The following TBC1D5 variants were observed in gnomAD, a reference collection of about 807,000 sequenced individuals.
TBC1D5 encodes TBC1 domain family member 5.
In TBC1D5, 75 loss-of-function variants were observed where a neutral mutation model predicts 100.3. The observed-to-expected ratio is 0.75, with a 90% confidence interval of 0.62 to 0.91. The LOEUF (loss-of-function observed/expected upper bound fraction) is 0.91. Among genes scored for constraint, TBC1D5 ranks in the 40% least tolerant of loss-of-function variants. The pLI is 0.00. For missense variants in TBC1D5, 910 were observed against 942.4 expected (o/e 0.97, Z 0.45); for synonymous variants, 323 against 325.6 (o/e 0.99, Z 0.09).
intron 18 of TBC1D5, 72 bp from the exon 20 acceptor site, chr3:17,185,280 G>A (rs2068902691): frequency 7.8e-7 from 1 of 1,286,732 alleles, no homozygotes; most frequent in Non-Finnish European, 1.1e-6. Flanking sequence ...TTTTCTAAAT[G>A]ATCTAGACTA....
intron 15 of TBC1D5, among the ~76,000 whole-genome samples, chr3:17,259,176 C>G (rs139687887): frequency 8.5e-4 from 129 of 152,138 alleles, no homozygotes; most frequent in African/African-American, 2.9e-3. Flanking sequence ...GAAATATTAC[C>G]AGGATAACCA....
At chr3:17,629,635 GAGAA>G (rs2063333634) in intron 1 of TBC1D5, among the ~76,000 whole-genome samples, 1 of 152,172 alleles carries the variant, frequency 6.6e-6, no homozygotes, top group African/African-American at 2.4e-5. Context: ...AAGCTTTAGT[GAGAA>G]AGAAGTAAAA....
chr3:17,327,698 T>A (rs941283316), intron 13 of TBC1D5, among the ~76,000 whole-genome samples: 1 of 152,162 alleles, frequency 6.6e-6, no homozygotes, highest in Non-Finnish European at 1.5e-5. Flanking sequence ...CCTATTTATT[T>A]TTTTCCATGG....
At chr3:17,205,144 A>G (rs1467699906) in intron 18 of TBC1D5, among the ~76,000 whole-genome samples, 1 of 152,248 alleles carries the variant, frequency 6.6e-6, no homozygotes, top group Non-Finnish European at 1.5e-5. Flanking sequence ...AATAAACTAT[A>G]CTAAATGGGA....
At chr3:17,654,804 T>C (rs945710579) in intron 1 of TBC1D5, among the ~76,000 whole-genome samples, 10 of 152,250 alleles carry the variant, frequency 6.6e-5, no homozygotes, top group African/African-American at 2.4e-4. Context: ...CTCTTTTTGG[T>C]TGGTAAGCTA....
intron 17 of TBC1D5, among the ~76,000 whole-genome samples, chr3:17,216,726 G>A (rs1311630098): frequency 6.6e-5 from 10 of 151,890 alleles, no homozygotes; most frequent in African/African-American, 2.4e-5. Flanking sequence ...ACTTTTTCAC[G>A]GTAATAATCT....
intron 16 of TBC1D5, among the ~76,000 whole-genome samples, chr3:17,244,721 T>C (rs181776470): frequency 5.9e-5 from 9 of 152,322 alleles, no homozygotes; most frequent in Middle Eastern, 3.4e-3. Flanking sequence ...TACTCCTAAC[T>C]CTGTCATTAT....
intron 1 of TBC1D5, among the ~76,000 whole-genome samples, chr3:17,630,879 CAAAAAA>C: frequency 7.9e-6 from 1 of 126,856 alleles, no homozygotes; most frequent in Admixed American, 7.9e-5. Flanking sequence ...ACTAAAAATA[CAAAAAA>C]AAAAAAAAAA....
intron 1 of TBC1D5, among the ~76,000 whole-genome samples, chr3:17,688,746 C>T (rs1047223945): frequency 4.6e-5 from 7 of 152,172 alleles, no homozygotes; most frequent in South Asian, 2.1e-4. Flanking sequence ...CAATGTACCC[C>T]GACATATTGA....
At chr3:17,322,409 A>G (rs1344425490) in intron 13 of TBC1D5, among the ~76,000 whole-genome samples, 1 of 152,198 alleles carries the variant, frequency 6.6e-6, no homozygotes, top group Non-Finnish European at 1.5e-5. Flanking sequence ...AACTGGGTAT[A>G]TCTCTACTGC....
chr3:17,613,154 A>C (rs980293812), intron 2 of TBC1D5, among the ~76,000 whole-genome samples: 6 of 151,942 alleles, frequency 3.9e-5, no homozygotes, highest in Non-Finnish European at 8.8e-5. Context: ...TCTGTCCTTG[A>C]GATAGTTTGC....
At chr3:17,627,688 G>A (rs2063170798) in intron 1 of TBC1D5, among the ~76,000 whole-genome samples, 1 of 151,336 alleles carries the variant, frequency 6.6e-6, no homozygotes, top group African/African-American at 2.4e-5. Flanking sequence ...GAGAGAGAGA[G>A]AGGGGCTATG....
chr3:17,707,335 CAATAAATTTATAA>C (rs2074282190), intron 1 of TBC1D5, among the ~76,000 whole-genome samples: 1 of 152,028 alleles, frequency 6.6e-6, no homozygotes. Context: ...TTTCTCTCTT[CAATAAATTTATAA>C]AATTTTCACA....
At chr3:17,186,461 C>T (rs1281081895) in intron 18 of TBC1D5, among the ~76,000 whole-genome samples, 1 of 151,940 alleles carries the variant, frequency 6.6e-6, no homozygotes, top group African/African-American at 2.4e-5. Context: ...GTAATCCCAG[C>T]ACTTTGAGAG....
At position 17,545,187 on chromosome 3, in the gene TBC1D5, G is replaced by A. The variant is rs1411654584; in HGVS notation, c.-35-36582C>T. Among the ~76,000 whole-genome samples the A allele has an allele frequency of 2.0e-5, 3 of 152,026 alleles. 1 individual carries two copies. Among genetic ancestry groups the A allele is most frequent in the Non-Finnish European group, 4.4e-5 (3 of 68,020 alleles). Reference sequence around the variant, plus strand: ...TAACCTCAGTGTGTGACTTTATTTAGAGATAGGGCCTTTACAGCAAAAACC... The same window carrying A: ...TAACCTCAGTGTGTGACTTTATTTAAAGATAGGGCCTTTACAGCAAAAACC... On this transcript the variant is annotated intron_variant, in intron 2 of 21. Coordinates refer to ENST00000253692, the Ensembl canonical transcript of TBC1D5.
intron 2 of TBC1D5, among the ~76,000 whole-genome samples, chr3:17,521,621 A>T (rs529604222): frequency 6.6e-6 from 1 of 152,228 alleles, no homozygotes; most frequent in East Asian, 1.9e-4. Context: ...GATCAGCTGT[A>T]TTATCTTTAC....
chr3:17,306,620 T>C (rs912075663), intron 14 of TBC1D5, among the ~76,000 whole-genome samples: 2 of 152,100 alleles, frequency 1.3e-5, no homozygotes, highest in South Asian at 4.1e-4. Context: ...AAATTAAAAA[T>C]ATATAGTGGT....
At chr3:17,678,001 G>A (rs1448930279) in intron 1 of TBC1D5, among the ~76,000 whole-genome samples, 2 of 152,284 alleles carry the variant, frequency 1.3e-5, no homozygotes, top group African/African-American at 2.4e-5. Context: ...CTGTTGTGGG[G>A]TAGGGGGAGG....
chr3:17,409,133 G>A (rs1246375642), intron 4 of TBC1D5, among the ~76,000 whole-genome samples: 1 of 152,112 alleles, frequency 6.6e-6, no homozygotes, highest in Non-Finnish European at 1.5e-5. Flanking sequence ...TTAATAAACT[G>A]AAGGTTTGTG....
Sources: gnomAD v4.1 joint callset for allele counts (sites outside exome capture counted in the v4.1 genomes callset) on GRCh38, gnomAD v4.1.1 for gene constraint, MANE v1.5 for transcripts, NCBI Gene and HGNC (gene_info 2026-07-23, HGNC 2026-07-21) for gene names.